Variants in SV2C observed in about 807,000 individuals in gnomAD.
SV2C encodes the protein synaptic vesicle glycoprotein 2C.
Under a neutral mutation model 79.7 loss-of-function variants are expected in SV2C, and 49 were observed. The ratio of observed to expected loss-of-function variants is 0.61; its 90% CI spans 0.49 to 0.78. The LOEUF (loss-of-function observed/expected upper bound fraction) is 0.78. SV2C is among the 30% of genes least tolerant of loss of function. SV2C has a pLI of 0.00. For missense variants in SV2C, 833 were observed against 912.9 expected (o/e 0.91, Z 1.13); for synonymous variants, 334 against 333.2 (o/e 1.00, Z -0.03).
chr5:76,122,101 G>T (rs1174665348), intron 1 of SV2C, among the ~76,000 whole-genome samples: 1 of 151,378 alleles, frequency 6.6e-6, no homozygotes, highest in Non-Finnish European at 1.5e-5. Context: ...TTGTAAGTTG[G>T]ATTCCTAGGT....
At chr5:75,859,106 A>AT in the SV2C span, among the ~76,000 whole-genome samples, 1 of 150,028 alleles carries the variant, frequency 6.7e-6, no homozygotes, top group African/African-American at 2.5e-5. Flanking sequence ...GATTTTTATA[A>AT]TTTTTTTCTA....
intron 4 of SV2C, among the ~76,000 whole-genome samples, chr5:76,263,886 T>C (rs953675873): frequency 6.6e-6 from 1 of 152,110 alleles, no homozygotes; most frequent in Admixed American, 6.5e-5. Flanking sequence ...CCTTGGAGAG[T>C]CTGACAATTT....
At chr5:75,851,258 A>G in the SV2C span, among the ~76,000 whole-genome samples, 1 of 152,216 alleles carries the variant, frequency 6.6e-6, no homozygotes, top group African/African-American at 2.4e-5. Context: ...GATATTTTCA[A>G]TATTAGCCAC....
At chr5:76,151,482 T>G (rs1220187591) in intron 2 of SV2C, among the ~76,000 whole-genome samples, 3 of 152,050 alleles carry the variant, frequency 2.0e-5, no homozygotes, top group Non-Finnish European at 4.4e-5. Flanking sequence ...AAACTTGAGA[T>G]GGGAATCAGC....
rs1429540431 is a variant in SV2C at position 76,201,221 on chromosome 5, C to T, written c.761+6122C>T. Among the ~76,000 whole-genome samples, 4 of 152,334 alleles carry T rather than the reference C, an allele frequency of 2.6e-5. No homozygotes were observed. The East Asian group carries it at 7.7e-4, about 29-fold the overall frequency. On this transcript the variant is annotated intron_variant, in intron 3 of 12. Transcript: ENST00000502798. ...AACGAATCTCACACCAAGAAACAGACACTTTCCTCCCCTCTTTTGTTATAG... is the reference window on the plus strand; with the variant it reads ...AACGAATCTCACACCAAGAAACAGATACTTTCCTCCCCTCTTTTGTTATAG...
the SV2C span, among the ~76,000 whole-genome samples, chr5:76,013,875 C>T: frequency 6.6e-6 from 1 of 152,090 alleles, no homozygotes; most frequent in Non-Finnish European, 1.5e-5. Context: ...CTGCGAGAAA[C>T]AAAGTGCAAC....
chr5:75,913,127 C>A, the SV2C span, among the ~76,000 whole-genome samples: 2 of 152,112 alleles, frequency 1.3e-5, no homozygotes, highest in South Asian at 4.2e-4. Flanking sequence ...TTGGACCCAG[C>A]CTAGGAATCT....
chr5:76,335,622 T>G (rs1749302110), downstream of SV2C, among the ~76,000 whole-genome samples: 1 of 151,988 alleles, frequency 6.6e-6, no homozygotes, highest in African/African-American at 2.4e-5. Flanking sequence ...TGGTGATGAC[T>G]CTTAACGAGC....
chr5:76,276,545 C>T (rs1432418642), intron 4 of SV2C, among the ~76,000 whole-genome samples: 2 of 152,096 alleles, frequency 1.3e-5, no homozygotes, highest in East Asian at 3.9e-4. Context: ...GCAGGCTGGT[C>T]TCGAACTCCT....
At chr5:75,972,090 T>G in the SV2C span, among the ~76,000 whole-genome samples, 3 of 152,172 alleles carry the variant, frequency 2.0e-5, no homozygotes, top group Non-Finnish European at 4.4e-5. Context: ...ATTCCCTCTT[T>G]AATAAATGGT....
chr5:76,325,345 A>C lies in SV2C; in HGVS notation c.2001-19A>C. The C allele has an allele frequency of 6.2e-7, 1 of 1,612,990 alleles. No individual in the cohort carries two copies. Among genetic ancestry groups the C allele is most frequent in the South Asian group, 1.1e-5 (1 of 90,916 alleles). Reference sequence around the variant, plus strand: ...GGGAGGCATTTTCTCAACCTTGTTCATGTCTCTTTCCTTTGCAGGGCAACA... The same window carrying C: ...GGGAGGCATTTTCTCAACCTTGTTCCTGTCTCTTTCCTTTGCAGGGCAACA... On this transcript the variant is annotated intron_variant, in intron 12 of 12. Coordinates refer to ENST00000502798, the MANE Select transcript of SV2C (RefSeq NM_014979.4).
intron 12 of SV2C, among the ~76,000 whole-genome samples, chr5:76,317,908 G>A (rs1162907042): frequency 6.6e-6 from 1 of 152,088 alleles, no homozygotes; most frequent in Non-Finnish European, 1.5e-5. Flanking sequence ...TTTAAACAAT[G>A]GCTAATAGTC....
At chr5:76,163,104 TG>T (rs1240379308) in intron 2 of SV2C, among the ~76,000 whole-genome samples, 1 of 152,208 alleles carries the variant, frequency 6.6e-6, no homozygotes, top group Non-Finnish European at 1.5e-5. Flanking sequence ...GGCCTGACCC[TG>T]CCCAGTCCCG....
chr5:76,137,304 T>C (rs1372329680), intron 2 of SV2C, among the ~76,000 whole-genome samples: 2 of 152,100 alleles, frequency 1.3e-5, no homozygotes, highest in Non-Finnish European at 2.9e-5. Flanking sequence ...CCTAACTGTA[T>C]CAGTTAATAG....
At chr5:75,967,342 T>C in the SV2C span, among the ~76,000 whole-genome samples, 108,956 of 152,050 alleles carry the variant, frequency 0.72, 39,454 homozygotes, top group African/African-American at 0.82. Context: ...GTGAGTGCAG[T>C]GCACTGTGCA....
downstream of SV2C, among the ~76,000 whole-genome samples, chr5:76,336,498 A>T (rs2972860): frequency 6.6e-6 from 1 of 151,798 alleles, no homozygotes; most frequent in African/African-American, 2.4e-5. Context: ...GGTGGCGGCC[A>T]GGCAGAGGCT....
chr5:76,299,054 C>A, intron 10 of SV2C, 127 bp downstream of exon 10: 2 of 1,148,574 alleles, frequency 1.7e-6, no homozygotes, highest in Non-Finnish European at 2.3e-6. Context: ...GGAACAAGTT[C>A]TCTAAATCAG....
chr5:76,109,165 TG>T (rs1355214765), intron 1 of SV2C, among the ~76,000 whole-genome samples: 4 of 152,178 alleles, frequency 2.6e-5, no homozygotes, highest in African/African-American at 7.2e-5. Context: ...AAAGTTTCAG[TG>T]AATGAGAAGG....
At chr5:76,162,282 T>C (rs1408911535) in intron 2 of SV2C, among the ~76,000 whole-genome samples, 1 of 152,228 alleles carries the variant, frequency 6.6e-6, no homozygotes, top group Admixed American at 6.5e-5. Context: ...GTTCAATGAA[T>C]GCTTCCAAAG....
Sources: gnomAD v4.1 joint callset for allele counts (sites outside exome capture counted in the v4.1 genomes callset) on GRCh38, gnomAD v4.1.1 for gene constraint, MANE v1.5 for transcripts, NCBI Gene and HGNC (gene_info 2026-07-23, HGNC 2026-07-21) for gene names.